The following CHST11 variants were observed in gnomAD, a reference collection of about 807,000 sequenced individuals.
CHST11 encodes the protein carbohydrate sulfotransferase 11.
A neutral mutation model predicts 30.4 loss-of-function variants in CHST11; 9 were observed. The ratio of observed to expected loss-of-function variants is 0.30; its 90% CI spans 0.18 to 0.52. CHST11 has a LOEUF of 0.52. Among genes scored for constraint, CHST11 ranks in the 20% least tolerant of loss-of-function variants. CHST11 has a pLI of 0.97. For missense variants in CHST11, 348 were observed against 460.6 expected (o/e 0.76, Z 2.24); for synonymous variants, 152 against 187.8 (o/e 0.81, Z 1.56).
At chr12:104,646,780 G>T (rs1020130026) in intron 2 of CHST11, among the ~76,000 whole-genome samples, 1 of 152,208 alleles carries the variant, frequency 6.6e-6, no homozygotes, top group Non-Finnish European at 1.5e-5. Flanking sequence ...GGACCAATGT[G>T]CCAGGCTCAG....
intron 1 of CHST11, among the ~76,000 whole-genome samples, chr12:104,480,829 C>G (rs941704546): frequency 6.6e-6 from 1 of 152,180 alleles, no homozygotes; most frequent in Non-Finnish European, 1.5e-5. Flanking sequence ...CTGCCAACAT[C>G]TTGATTTTGG....
intron 1 of CHST11, among the ~76,000 whole-genome samples, chr12:104,503,539 C>T (rs142433186): frequency 1.3e-5 from 2 of 152,218 alleles, no homozygotes; most frequent in East Asian, 3.8e-4. Flanking sequence ...AGAACAGCTC[C>T]TGGCACACCT....
intron 1 of CHST11, among the ~76,000 whole-genome samples, chr12:104,554,949 A>G (rs912115060): frequency 1.3e-5 from 2 of 152,180 alleles, no homozygotes; most frequent in Admixed American, 6.5e-5. Context: ...GTGGGGAGGT[A>G]TGTTACTGAG....
chr12:104,735,711 G>A (rs2040294480), intron 2 of CHST11, among the ~76,000 whole-genome samples: 1 of 152,240 alleles, frequency 6.6e-6, no homozygotes, highest in Non-Finnish European at 1.5e-5. Context: ...CCCTGCATGG[G>A]ACAGGGCTGC....
At chr12:104,516,348 T>C (rs961341670) in intron 1 of CHST11, among the ~76,000 whole-genome samples, 2 of 152,212 alleles carry the variant, frequency 1.3e-5, no homozygotes, top group Non-Finnish European at 2.9e-5. Context: ...GTTCATATCC[T>C]GGTGAGAAGT....
chr12:104,632,795 C>T (rs574045394), intron 2 of CHST11, among the ~76,000 whole-genome samples: 3 of 152,184 alleles, frequency 2.0e-5, no homozygotes, highest in Non-Finnish European at 2.9e-5. Flanking sequence ...CACTCGTTCC[C>T]GGTCCTCCTC....
At chr12:104,531,062 A>AC (rs1471992337) in intron 1 of CHST11, among the ~76,000 whole-genome samples, 1 of 152,236 alleles carries the variant, frequency 6.6e-6, no homozygotes, top group African/African-American at 2.4e-5. Context: ...CATCAGCCAC[A>AC]CTTACCTTCA....
chr12:104,644,298 G>A (rs920142164), intron 2 of CHST11, among the ~76,000 whole-genome samples: 2 of 152,106 alleles, frequency 1.3e-5, no homozygotes, highest in African/African-American at 4.8e-5. Flanking sequence ...TTCGTCTCAG[G>A]TTGCCTTTTG....
At chr12:104,524,039 CTTTTTTT>C (rs10594720) in intron 1 of CHST11, among the ~76,000 whole-genome samples, 7 of 128,042 alleles carry the variant, frequency 5.5e-5, no homozygotes, top group Admixed American at 7.8e-5. Flanking sequence ...TTCTTTCTTT[CTTTTTTT>C]TTTTTTTTTT....
At chr12:104,663,507 TA>T (rs577872549) in intron 2 of CHST11, among the ~76,000 whole-genome samples, 224 of 152,350 alleles carry the variant, frequency 1.5e-3, no homozygotes, top group African/African-American at 5.1e-3. Context: ...TTCATGTTTG[TA>T]TTTTTTAAAA....
chr12:104,558,073 C>G (rs1460158705), intron 1 of CHST11, among the ~76,000 whole-genome samples: 7 of 152,072 alleles, frequency 4.6e-5, no homozygotes, highest in Non-Finnish European at 1.5e-5. Flanking sequence ...AGCTTCTGTC[C>G]TCCAGCCGTG....
intron 1 of CHST11, among the ~76,000 whole-genome samples, chr12:104,517,355 T>C (rs760146505): frequency 3.9e-5 from 6 of 152,202 alleles, no homozygotes; most frequent in Admixed American, 1.3e-4. Context: ...AGCAAGCTGT[T>C]GACAGCCTCA....
At chr12:104,548,199 CAGTAGGTGGTGCTT>C (rs1478153868) in intron 1 of CHST11, among the ~76,000 whole-genome samples, 1 of 152,176 alleles carries the variant, frequency 6.6e-6, no homozygotes, top group Non-Finnish European at 1.5e-5. Flanking sequence ...CGGTGGCACA[CAGTAGGTGGTGCTT>C]AGTGGTTTAT....
At chr12:104,750,589 G>A (rs1367210256) in intron 2 of CHST11, among the ~76,000 whole-genome samples, 1 of 151,362 alleles carries the variant, frequency 6.6e-6, no homozygotes, top group Non-Finnish European at 1.5e-5. Context: ...GAGTACAGGT[G>A]TCTGCCACCA....
At chr12:104,463,161 C>G (rs1425593604) in intron 1 of CHST11, among the ~76,000 whole-genome samples, 1 of 152,154 alleles carries the variant, frequency 6.6e-6, no homozygotes, top group African/African-American at 2.4e-5. Flanking sequence ...TTAAACCCAC[C>G]AAAAGGACCT....
chr12:104,634,903 G>GTTCA (rs2039308748), intron 2 of CHST11, among the ~76,000 whole-genome samples: 1 of 152,094 alleles, frequency 6.6e-6, no homozygotes, highest in African/African-American at 2.4e-5. Context: ...CCATTTGGCT[G>GTTCA]TTCATTCATT....
chr12:104,636,436 C>T (rs2039323794), intron 2 of CHST11, among the ~76,000 whole-genome samples: 1 of 152,334 alleles, frequency 6.6e-6, no homozygotes, highest in East Asian at 1.9e-4. Context: ...CTCCATCAGC[C>T]TCTGAGGAGC....
intron 1 of CHST11, among the ~76,000 whole-genome samples, chr12:104,488,529 G>T (rs1565960058): frequency 6.6e-6 from 1 of 151,470 alleles, no homozygotes; most frequent in Non-Finnish European, 1.5e-5. Flanking sequence ...ATCTCTGTGT[G>T]TATATGTGTG....
chr12:104,577,234 A>ATTTTT (rs34967812), intron 1 of CHST11, among the ~76,000 whole-genome samples: 9 of 74,244 alleles, frequency 1.2e-4, no homozygotes, highest in African/African-American at 4.8e-4. Context: ...GCAGCCCTTC[A>ATTTTT]TTTTTTTTTT....
Sources: gnomAD v4.1 joint callset for allele counts (sites outside exome capture counted in the v4.1 genomes callset) on GRCh38, gnomAD v4.1.1 for gene constraint, MANE v1.5 for transcripts, NCBI Gene and HGNC (gene_info 2026-07-23, HGNC 2026-07-21) for gene names.